Variants in PRKN observed in about 807,000 individuals in gnomAD.
PRKN encodes the protein E3 ubiquitin-protein ligase parkin.
Under a neutral mutation model 59.5 loss-of-function variants are expected in PRKN, and 56 were observed. The observed-to-expected ratio is 0.94, with a 90% CI of 0.76 to 1.18. PRKN has a LOEUF of 1.18. PRKN is among the 50% of genes most tolerant of loss of function. The pLI is 0.00. For synonymous variants in PRKN, 250 were observed against 222.1 expected (o/e 1.13, Z -1.12); for missense variants, 657 against 596.4 (o/e 1.10, Z -1.06).
At chr6:162,168,825 T>C (rs1378416760) in intron 4 of PRKN, among the ~76,000 whole-genome samples, 1 of 152,134 alleles carries the variant, frequency 6.6e-6, no homozygotes, top group Non-Finnish European at 1.5e-5. Context: ...AAATTAAAAA[T>C]GCATGAACCA....
At chr6:161,779,970 T>C (rs555626719) in intron 7 of PRKN, among the ~76,000 whole-genome samples, 55 of 152,274 alleles carry the variant, frequency 3.6e-4, no homozygotes, top group Middle Eastern at 3.4e-3. Context: ...CATGCAGACA[T>C]AGACACAAAC....
intron 2 of PRKN, among the ~76,000 whole-genome samples, chr6:162,409,392 A>T (rs1164589531): frequency 2.0e-5 from 3 of 151,954 alleles, no homozygotes; most frequent in Non-Finnish European, 1.5e-5. Flanking sequence ...TCTGGCTTAA[A>T]GTGATCATCC....
intron 1 of PRKN, among the ~76,000 whole-genome samples, chr6:162,597,656 T>C (rs1211373858): frequency 6.6e-6 from 1 of 152,236 alleles, no homozygotes; most frequent in Admixed American, 6.5e-5. Context: ...CCAATCTTGA[T>C]TCTTACTCCC....
At chr6:161,792,180 TC>T (rs1790665665) in intron 6 of PRKN, among the ~76,000 whole-genome samples, 1 of 152,184 alleles carries the variant, frequency 6.6e-6, no homozygotes. Context: ...GCTCCCAAAT[TC>T]CTGACCTGCT....
chr6:162,093,609 A>G (rs12663262), intron 4 of PRKN, among the ~76,000 whole-genome samples: 44,795 of 152,106 alleles, frequency 0.29, 7,036 homozygotes, highest in East Asian at 0.65. Context: ...ACTTGAATGT[A>G]AAAGGACCTT....
intron 6 of PRKN, among the ~76,000 whole-genome samples, chr6:161,950,113 G>T (rs1779931604): frequency 6.6e-6 from 1 of 152,196 alleles, no homozygotes; most frequent in South Asian, 2.1e-4. Context: ...ACAGTGGCAG[G>T]CTCTGATTAA....
chr6:161,861,802 G>T (rs1380894913), intron 6 of PRKN, among the ~76,000 whole-genome samples: 1 of 152,048 alleles, frequency 6.6e-6, no homozygotes, highest in Non-Finnish European at 1.5e-5. Flanking sequence ...AATATTCTAA[G>T]AACTTCCACT....
At chr6:162,502,872 T>A (rs1337799138) in intron 1 of PRKN, among the ~76,000 whole-genome samples, 1 of 152,116 alleles carries the variant, frequency 6.6e-6, no homozygotes, top group Admixed American at 6.6e-5. Context: ...TGTCTCTGGA[T>A]CCCCAACCCA....
chr6:162,546,436 G>C (rs1343419682), intron 1 of PRKN, among the ~76,000 whole-genome samples: 7 of 151,554 alleles, frequency 4.6e-5, no homozygotes, highest in Non-Finnish European at 1.0e-4. Context: ...TTTGACCAAG[G>C]AAAATTTAGC....
intron 1 of PRKN, among the ~76,000 whole-genome samples, chr6:162,646,675 T>C (rs1778199342): frequency 6.6e-6 from 1 of 152,160 alleles, no homozygotes; most frequent in Non-Finnish European, 1.5e-5. Context: ...GATTTCATCA[T>C]TGTGAGTACG....
At chr6:161,996,175 TACACAC>T (rs34527638) in intron 5 of PRKN, among the ~76,000 whole-genome samples, 1 of 149,960 alleles carries the variant, frequency 6.7e-6, no homozygotes, top group Non-Finnish European at 1.5e-5. Context: ...ACGTGGTGTG[TACACAC>T]ACACACACAC....
At chr6:161,938,978 T>C (rs1469378655) in intron 6 of PRKN, among the ~76,000 whole-genome samples, 1 of 152,240 alleles carries the variant, frequency 6.6e-6, no homozygotes, top group East Asian at 1.9e-4. Flanking sequence ...TCATTTATAT[T>C]TGCCTGAGAG....
intron 1 of PRKN, among the ~76,000 whole-genome samples, chr6:162,706,065 G>A (rs1280283270): frequency 6.8e-6 from 1 of 146,162 alleles, no homozygotes; most frequent in African/African-American, 2.5e-5. Context: ...AACTTTTAAT[G>A]TTATTTCATT....
intron 6 of PRKN, among the ~76,000 whole-genome samples, chr6:161,827,679 T>C (rs1265602501): frequency 1.6e-4 from 24 of 152,028 alleles, no homozygotes; most frequent in Admixed American, 1.6e-3. Context: ...GGCTAATTTT[T>C]GTATTTTTAA....
intron 3 of PRKN, among the ~76,000 whole-genome samples, chr6:162,206,131 T>G (rs557254065): frequency 2.0e-4 from 31 of 152,228 alleles, no homozygotes; most frequent in African/African-American, 7.2e-4. Context: ...CTCGCCATCA[T>G]GTGCCCTTAT....
intron 2 of PRKN, among the ~76,000 whole-genome samples, chr6:162,264,399 C>T (rs1050160827): frequency 2.6e-5 from 4 of 152,124 alleles, no homozygotes; most frequent in African/African-American, 7.2e-5. Flanking sequence ...TAACTCATAG[C>T]GATGAATGAT....
rs182195462 is a variant in PRKN, at chr6:161,781,784, G to T, written c.871+3988C>A. 1.7e-3 allele frequency among the ~76,000 whole-genome samples: 255 copies of T among 152,204 alleles called. 1 individual carries two copies. Among genetic ancestry groups the T allele is most frequent in the African/African-American group, 6.0e-3 (251 of 41,546 alleles). On this transcript the variant is annotated intron_variant, in intron 7 of 11. Coordinates refer to ENST00000366898, the MANE Select transcript of PRKN (RefSeq NM_004562.3). ...ATGTTTTCAACATGACTGAGAAAAA[G>T]AAACACCAAAGGATCCTAAACACAT...
rs574418135 is a variant in PRKN at position 161,545,965 on chromosome 6, A to T, written c.1083+2889T>A. 3.3e-5 allele frequency among the ~76,000 whole-genome samples: 5 copies of T among 152,336 alleles called. No homozygotes were observed. The East Asian group carries it at 9.6e-4, about 29-fold the overall frequency. ...ACAAATGGCATGGTGGCAAAGTAGT[A>T]TTTAGGAAAAGCAATTATTTGAAAG... On this transcript the variant is annotated intron_variant, in intron 9 of 11. Transcript: ENST00000366898. This position sits in a 1 kb window ranked among gnomAD's most constrained non-coding sequence, Gnocchi z 4.1.
At chr6:161,951,388 T>G (rs551956409) in intron 6 of PRKN, among the ~76,000 whole-genome samples, 1 of 146,316 alleles carries the variant, frequency 6.8e-6, no homozygotes, top group African/African-American at 2.8e-5. Flanking sequence ...CTATTAACCT[T>G]CTTCTCTCTT....
Sources: allele counts gnomAD v4.1 joint callset (sites outside exome capture counted in the v4.1 genomes callset), GRCh38; gene constraint gnomAD v4.1.1; non-coding constraint Gnocchi (gnomAD v3.1); transcripts MANE v1.5; gene names NCBI Gene and HGNC (gene_info 2026-07-23, HGNC 2026-07-21).